Variants in MDGA2 observed in about 807,000 individuals in gnomAD.
MDGA2 encodes the protein MAM domain containing glycosylphosphatidylinositol anchor 2.
MDGA2 carries 40 observed loss-of-function variants against 117.8 expected under a neutral mutation model. The ratio of observed to expected loss-of-function variants is 0.34; its 90% confidence interval spans 0.26 to 0.44. The LOEUF (loss-of-function observed/expected upper bound fraction) is 0.44, where lower values mean the gene tolerates loss of function less well. MDGA2 is among the 20% of genes least tolerant of loss of function. The probability of loss-of-function intolerance (pLI) is 1.00; values close to 1 mark genes in which losing one functional copy is unlikely to be tolerated. For missense variants in MDGA2, 1,123 were observed against 1,250.6 expected, an observed-to-expected ratio of 0.90 and a Z score of 1.54; for synonymous variants, 452 against 439.0, an observed-to-expected ratio of 1.03 and a Z score of -0.37.
intron 14 of MDGA2, among the ~76,000 whole-genome samples, chr14:46,857,757 G>A (rs1313373978): frequency 6.6e-6 from 1 of 151,902 alleles, no homozygotes; most frequent in Admixed American, 6.6e-5. Flanking sequence ...TGGGCTCAAG[G>A]GATCTTCCCA....
chr14:47,243,247 G>A (rs566080571), intron 2 of MDGA2, among the ~76,000 whole-genome samples: 1 of 151,458 alleles, frequency 6.6e-6, no homozygotes, highest in African/African-American at 2.4e-5. Flanking sequence ...ATCTGGTGGG[G>A]ATGTGGAGAA....
intron 7 of MDGA2, among the ~76,000 whole-genome samples, chr14:47,050,108 T>C (rs1284671708): frequency 2.6e-5 from 4 of 152,006 alleles, no homozygotes; most frequent in African/African-American, 9.7e-5. Context: ...AAAATCTCAT[T>C]ACTTGAGCCC....
chr14:46,945,608 T>C (rs1885145374), intron 9 of MDGA2, among the ~76,000 whole-genome samples: 1 of 152,048 alleles, frequency 6.6e-6, no homozygotes. Context: ...TGCAGATAGA[T>C]GCTTTTGCTG....
At chr14:46,897,737 A>G (rs1335653021) in intron 10 of MDGA2, among the ~76,000 whole-genome samples, 2 of 140,502 alleles carry the variant, frequency 1.4e-5, no homozygotes, top group Non-Finnish European at 3.2e-5. Context: ...ACTTGGTTGC[A>G]ATTGGTACAT....
chr14:47,143,913 T>G (rs1373615698), intron 4 of MDGA2, among the ~76,000 whole-genome samples, 165 bp downstream of exon 4: 4 of 152,178 alleles, frequency 2.6e-5, no homozygotes, highest in Non-Finnish European at 1.5e-5. Context: ...TAAAAATAAG[T>G]TGTCCTTTAT....
At chr14:47,282,557 G>C (rs1035708324) in intron 2 of MDGA2, among the ~76,000 whole-genome samples, 2 of 151,714 alleles carry the variant, frequency 1.3e-5, no homozygotes, top group Non-Finnish European at 2.9e-5. Flanking sequence ...AATTAGCCGG[G>C]TGTGGCGGCA....
At chr14:47,563,578 GTTTTTTTT>G (rs56244321) in intron 1 of MDGA2, among the ~76,000 whole-genome samples, 5 of 56,972 alleles carry the variant, frequency 8.8e-5, no homozygotes, top group East Asian at 3.8e-4. Context: ...GCTTTTTTCT[GTTTTTTTT>G]TTTTTTTTTT....
chr14:47,220,401 C>T (rs1886256492), intron 2 of MDGA2, among the ~76,000 whole-genome samples: 1 of 152,172 alleles, frequency 6.6e-6, no homozygotes, highest in African/African-American at 2.4e-5. Context: ...CGCCACATGG[C>T]TGCCCAGGAT....
intron 7 of MDGA2, among the ~76,000 whole-genome samples, chr14:47,054,569 G>A (rs1889598679): frequency 6.7e-6 from 1 of 150,082 alleles, no homozygotes; most frequent in Admixed American, 6.7e-5. Flanking sequence ...TGAGGTGTTT[G>A]GTTTTTTGTC....
intron 3 of MDGA2, among the ~76,000 whole-genome samples, chr14:47,148,428 C>A (rs1883031652): frequency 6.6e-6 from 1 of 152,184 alleles, no homozygotes; most frequent in African/African-American, 2.4e-5. Flanking sequence ...GTAGCACCCA[C>A]TCCTTACTGA....
At chr14:46,861,637 A>G (rs2138323126) in intron 14 of MDGA2, among the ~76,000 whole-genome samples, 1 of 152,074 alleles carries the variant, frequency 6.6e-6, no homozygotes, top group South Asian at 2.1e-4. Context: ...AAAAAGACAC[A>G]AGAACTACAA....
chr14:47,050,747 T>C (rs777041683), intron 7 of MDGA2, among the ~76,000 whole-genome samples: 5 of 151,968 alleles, frequency 3.3e-5, no homozygotes, highest in Non-Finnish European at 7.4e-5. Flanking sequence ...AAAGAAATTT[T>C]AATGTAGCAT....
intron 10 of MDGA2, among the ~76,000 whole-genome samples, chr14:46,917,104 G>A (rs529373017): frequency 3.3e-5 from 5 of 151,868 alleles, no homozygotes; most frequent in African/African-American, 1.2e-4. Flanking sequence ...AATGAAACTC[G>A]AAGTGGAAGA....
chr14:46,873,725 T>G (rs1882107718), intron 13 of MDGA2, 134 bp from the exon 14 acceptor site: 2 of 786,042 alleles, frequency 2.5e-6, no homozygotes, highest in Non-Finnish European at 3.9e-6. Context: ...TTATAAAATC[T>G]CTATGTGTAT....
intron 1 of MDGA2, among the ~76,000 whole-genome samples, chr14:47,563,578 GTTTTTTT>G (rs56244321): frequency 1.6e-4 from 9 of 56,942 alleles, no homozygotes; most frequent in African/African-American, 4.7e-4. Context: ...GCTTTTTTCT[GTTTTTTT>G]TTTTTTTTTT....
chr14:47,308,077 G>C (rs1050324907), intron 1 of MDGA2, among the ~76,000 whole-genome samples: 5 of 152,102 alleles, frequency 3.3e-5, no homozygotes, highest in African/African-American at 1.2e-4. Flanking sequence ...GTTAGGAGCA[G>C]CACAGACAAA....
intron 9 of MDGA2, among the ~76,000 whole-genome samples, chr14:46,940,640 G>T (rs1555336741): frequency 8.6e-6 from 1 of 116,004 alleles, no homozygotes; most frequent in African/African-American, 3.2e-5. Context: ...AAAAAAAAAA[G>T]TTGAACTTAA....
At chr14:47,396,264 T>C (rs894771984) in intron 1 of MDGA2, among the ~76,000 whole-genome samples, 1 of 152,178 alleles carries the variant, frequency 6.6e-6, no homozygotes, top group Non-Finnish European at 1.5e-5. Context: ...CTCCTATATG[T>C]ATTATCTGAT....
intron 1 of MDGA2, among the ~76,000 whole-genome samples, chr14:47,389,719 T>C (rs1323021200): frequency 6.6e-6 from 1 of 152,052 alleles, no homozygotes; most frequent in Admixed American, 6.6e-5. Context: ...TTTGCAGTCC[T>C]TGGGCCTCAG....
Sources: allele counts gnomAD v4.1 joint callset (sites outside exome capture counted in the v4.1 genomes callset), GRCh38; gene constraint gnomAD v4.1.1; transcripts MANE v1.5; gene names NCBI Gene and HGNC (gene_info 2026-07-23, HGNC 2026-07-21).